The following LRRC4C variants were observed in gnomAD, a reference collection of about 807,000 sequenced individuals.
LRRC4C encodes the protein leucine rich repeat containing 4C, also known as leucine-rich repeat-containing protein 4C.
LRRC4C carries 5 observed loss-of-function variants against 33.6 expected under a neutral mutation model. The observed-to-expected ratio is 0.15, with a 90% CI of 0.08 to 0.31. LRRC4C has a LOEUF of 0.31. Among genes scored for constraint, LRRC4C ranks in the 10% least tolerant of loss-of-function variants. The pLI is 1.00. For synonymous variants in LRRC4C, 329 were observed against 302.0 expected (o/e 1.09, Z -0.93); for missense variants, 560 against 796.7 (o/e 0.70, Z 3.58).
chr11:41,028,485 A>T (rs1286332896), intron 1 of LRRC4C, among the ~76,000 whole-genome samples: 1 of 151,376 alleles, frequency 6.6e-6, no homozygotes, highest in Admixed American at 6.6e-5. Context: ...TTGTCTACTT[A>T]ACTTTAGCTT....
At chr11:41,163,863 C>T (rs996764085) in intron 1 of LRRC4C, among the ~76,000 whole-genome samples, 1 of 152,144 alleles carries the variant, frequency 6.6e-6, no homozygotes, top group Non-Finnish European at 1.5e-5. Context: ...CCACCTGCTT[C>T]AGCCTCCCAA....
At chr11:40,564,012 G>A (rs1957657195) in intron 3 of LRRC4C, among the ~76,000 whole-genome samples, 1 of 152,158 alleles carries the variant, frequency 6.6e-6, no homozygotes, top group Non-Finnish European at 1.5e-5. Flanking sequence ...TATGAAAATA[G>A]ATTACAACCC....
intron 1 of LRRC4C, among the ~76,000 whole-genome samples, chr11:41,332,412 A>G (rs1306605878): frequency 6.6e-6 from 1 of 152,176 alleles, no homozygotes; most frequent in Non-Finnish European, 1.5e-5. Flanking sequence ...TGCAATGTGC[A>G]AGGTTTCCTA....
chr11:40,896,931 A>G (rs1955972506), intron 2 of LRRC4C, among the ~76,000 whole-genome samples: 1 of 152,334 alleles, frequency 6.6e-6, no homozygotes, highest in Admixed American at 6.5e-5. Context: ...TCTTAAGGGC[A>G]TAACAAAGGA....
At position 40,271,457 on chromosome 11, in the gene LRRC4C, G is replaced by A. The variant is rs1231444181; in HGVS notation, c.-175-29859C>T. Among the ~76,000 whole-genome samples, 6 of 152,158 alleles carry A rather than the reference G, an allele frequency of 3.9e-5. No homozygotes were observed. The East Asian group carries it at 5.8e-4, about 15-fold the overall frequency. ...CTTACTACCTTTAAAACTCTATGTA[G>A]AAGGGAGGATTTCAAAACTAGCATA... On this transcript the variant is annotated intron_variant, in intron 4 of 6. Transcript: ENST00000528697.
intron 1 of LRRC4C, among the ~76,000 whole-genome samples, chr11:41,396,261 C>CT (rs1953808709): frequency 6.6e-6 from 1 of 151,932 alleles, no homozygotes; most frequent in African/African-American, 2.4e-5. Flanking sequence ...GAGTAAGGGT[C>CT]TAAAAACAAG....
At position 40,924,965 on chromosome 11, in the gene LRRC4C, G is replaced by A. The variant is rs973560350; in HGVS notation, c.-407+8670C>T. Among the ~76,000 whole-genome samples, 5 of 152,202 alleles carry A rather than the reference G, an allele frequency of 3.3e-5. 1 individual carries two copies. The highest frequency in any genetic ancestry group is 6.8e-3 in the Middle Eastern group (2 of 294). Reference sequence around the variant, plus strand: ...TCATTACACATCATTTTTGAAAGGCGCAGAAAATTTGACTTTTTATTTGTA... The same window carrying A: ...TCATTACACATCATTTTTGAAAGGCACAGAAAATTTGACTTTTTATTTGTA... On this transcript the variant is annotated intron_variant, in intron 2 of 6. Coordinates refer to ENST00000528697, the MANE Select transcript of LRRC4C (RefSeq NM_001258419.2).
At chr11:40,565,824 C>A (rs2135533672) in intron 3 of LRRC4C, among the ~76,000 whole-genome samples, 1 of 152,068 alleles carries the variant, frequency 6.6e-6, no homozygotes, top group South Asian at 2.1e-4. Context: ...AAAGCTTTTG[C>A]TTTGTAGTTA....
chr11:41,184,507 C>A (rs1269042781), intron 1 of LRRC4C, among the ~76,000 whole-genome samples: 1 of 152,136 alleles, frequency 6.6e-6, no homozygotes, highest in Non-Finnish European at 1.5e-5. Flanking sequence ...ACTTTTGTTC[C>A]AGTTGCCAAC....
intron 2 of LRRC4C, among the ~76,000 whole-genome samples, chr11:40,829,369 C>T (rs931337154): frequency 2.0e-5 from 3 of 151,950 alleles, no homozygotes; most frequent in Admixed American, 6.6e-5. Flanking sequence ...AGGTTTGCAG[C>T]CCCTGGAATT....
intron 2 of LRRC4C, among the ~76,000 whole-genome samples, chr11:40,872,284 G>T (rs1954688690): frequency 6.6e-6 from 1 of 150,838 alleles, no homozygotes; most frequent in Admixed American, 6.7e-5. Flanking sequence ...AAATAGTCCT[G>T]GCTCTCTCCT....
At chr11:40,721,573 A>G (rs945150032) in intron 2 of LRRC4C, among the ~76,000 whole-genome samples, 1 of 152,246 alleles carries the variant, frequency 6.6e-6, no homozygotes, top group African/African-American at 2.4e-5. Context: ...TTGTGGACAC[A>G]TAGGAAGCCT....
chr11:40,641,610 G>A (rs897455457), intron 3 of LRRC4C, among the ~76,000 whole-genome samples: 5 of 152,160 alleles, frequency 3.3e-5, no homozygotes, highest in Non-Finnish European at 7.3e-5. Flanking sequence ...GTCAGAAAGA[G>A]GTCTTTTTTT....
At chr11:41,118,766 A>G (rs1276380339) in intron 1 of LRRC4C, among the ~76,000 whole-genome samples, 2 of 152,144 alleles carry the variant, frequency 1.3e-5, no homozygotes, top group Admixed American at 1.3e-4. Flanking sequence ...TTGTGATGCC[A>G]TTGACCTAGT....
chr11:40,990,786 G>T lies in LRRC4C; in HGVS notation c.-495-57063C>A, dbSNP rs559603799. Among the ~76,000 whole-genome samples the T allele has an allele frequency of 4.6e-5, 7 of 152,180 alleles. No individual in the cohort carries two copies. In the East Asian group the frequency reaches 1.4e-3, roughly 29 times the overall value. On this transcript the variant is annotated intron_variant, in intron 1 of 6. Coordinates refer to ENST00000528697, the MANE Select transcript of LRRC4C (RefSeq NM_001258419.2). Reference sequence around the variant, plus strand: ...GTAGCAAAACAATGCCTTTTTTACTGCCGCAATGAAGGAGCAAAAAATGTC... The same window carrying T: ...GTAGCAAAACAATGCCTTTTTTACTTCCGCAATGAAGGAGCAAAAAATGTC...
At chr11:40,933,808 T>A (rs893964007) in intron 1 of LRRC4C, 85 bp from the exon 2 acceptor site, 1 of 152,246 alleles carries the variant, frequency 6.6e-6, no homozygotes, top group Non-Finnish European at 1.5e-5. Context: ...AAATTAAAAC[T>A]GACCTAATGG....
At chr11:40,563,865 C>A (rs1044376578) in intron 3 of LRRC4C, among the ~76,000 whole-genome samples, 1 of 152,164 alleles carries the variant, frequency 6.6e-6, no homozygotes, top group African/African-American at 2.4e-5. Context: ...CAGGAATGCA[C>A]TACAGAGCCC....
intron 1 of LRRC4C, among the ~76,000 whole-genome samples, chr11:41,075,585 T>C (rs920048755): frequency 6.6e-6 from 1 of 152,152 alleles, no homozygotes; most frequent in East Asian, 1.9e-4. Flanking sequence ...AGCACATTAA[T>C]ACACTATATC....
intron 3 of LRRC4C, among the ~76,000 whole-genome samples, chr11:40,421,448 G>C (rs1337582738): frequency 6.6e-6 from 1 of 152,192 alleles, no homozygotes; most frequent in Non-Finnish European, 1.5e-5. Flanking sequence ...CTTCCATGCT[G>C]CATTCAGTGC....
Sources: allele counts gnomAD v4.1 joint callset (sites outside exome capture counted in the v4.1 genomes callset), GRCh38; gene constraint gnomAD v4.1.1; transcripts MANE v1.5; gene names NCBI Gene and HGNC (gene_info 2026-07-23, HGNC 2026-07-21).